The following GATAD2B variants were observed in gnomAD, a reference collection of about 807,000 sequenced individuals.
GATAD2B encodes the protein transcriptional repressor p66-beta.
GATAD2B carries 8 observed loss-of-function variants against 64.3 expected under a neutral mutation model. That is an observed-to-expected ratio of 0.12 (90% CI 0.07 to 0.22). The LOEUF (loss-of-function observed/expected upper bound fraction) is 0.22. Ranked by LOEUF, GATAD2B falls within the 10% of genes least tolerant of loss-of-function variation. The pLI, the probability that GATAD2B is intolerant of heterozygous loss-of-function variation, is 1.00. For synonymous variants in GATAD2B, 281 were observed against 271.3 expected (o/e 1.04, Z -0.35); for missense variants, 453 against 752.0 (o/e 0.60, Z 4.65).
intron 1 of GATAD2B, among the ~76,000 whole-genome samples, chr1:153,850,434 G>C (rs1413532826): frequency 1.3e-5 from 2 of 151,960 alleles, no homozygotes; most frequent in Non-Finnish European, 2.9e-5. Flanking sequence ...TGAGTAGCTG[G>C]GATTACAGGC....
At chr1:153,829,378 T>C (rs1674997526) in intron 1 of GATAD2B, among the ~76,000 whole-genome samples, 4 of 152,172 alleles carry the variant, frequency 2.6e-5, no homozygotes, top group Admixed American at 2.6e-4. Context: ...AGGTCAAATA[T>C]TTAGTAAGTT....
intron 5 of GATAD2B, 147 bp from the exon 6 acceptor site, chr1:153,817,689 G>A (rs1358836501): frequency 1.7e-6 from 1 of 587,132 alleles, no homozygotes; most frequent in Non-Finnish European, 2.8e-6. Context: ...TTCATTTAAT[G>A]GTCTATGGGA....
chr1:153,824,498 G>C (rs1000268683), intron 2 of GATAD2B, among the ~76,000 whole-genome samples: 3 of 151,226 alleles, frequency 2.0e-5, no homozygotes, highest in Admixed American at 6.6e-5. Context: ...TGTAGTCCCA[G>C]CTACTCAGGA....
chr1:153,875,683 GAAAAAA>G (rs11340415), intron 1 of GATAD2B, among the ~76,000 whole-genome samples: 8 of 78,390 alleles, frequency 1.0e-4, no homozygotes, highest in Admixed American at 1.7e-4. Context: ...AGTTTGGAGG[GAAAAAA>G]AAAAAAAAAA....
chr1:153,837,103 C>T (rs560628634), intron 1 of GATAD2B, among the ~76,000 whole-genome samples: 3 of 152,116 alleles, frequency 2.0e-5, no homozygotes, highest in Non-Finnish European at 4.4e-5. Context: ...GTAAAATGGA[C>T]GAACTTTGAA....
intron 1 of GATAD2B, among the ~76,000 whole-genome samples, chr1:153,889,399 C>A (rs757313811): frequency 3.0e-5 from 3 of 99,822 alleles, no homozygotes; most frequent in African/African-American, 1.1e-4. Flanking sequence ...GCAACAAGAG[C>A]GAAACCCCGT....
intron 1 of GATAD2B, among the ~76,000 whole-genome samples, chr1:153,906,712 G>A (rs1159471037): frequency 6.6e-6 from 1 of 152,064 alleles, no homozygotes; most frequent in Non-Finnish European, 1.5e-5. Context: ...CAGAGTGAAA[G>A]GGCAACCCAC....
chr1:153,872,607 G>C (rs542707520), intron 1 of GATAD2B, among the ~76,000 whole-genome samples: 4 of 150,952 alleles, frequency 2.6e-5, no homozygotes, highest in South Asian at 4.2e-4. Context: ...TCATGGTGGA[G>C]TATATAAACT....
rs150972720 is a variant in GATAD2B, at chr1:153,817,390, G to A, written c.882C>T (p.Pro294=). The part of the protein sequence containing the change: ...LVRTTTPNMN[P]AINYQPQSSS... ...CTCTTACCGGTTGATAATTGATGGC[G>A]GGATTCATGTTGGGTGTTGTGGTGC... The change falls in exon 6 of 11, where the codon CCC becomes CCT. Residue 294 remains proline (P), a synonymous_variant. Coordinates refer to ENST00000368655, the MANE Select transcript of GATAD2B (RefSeq NM_020699.4). 42 of 1,574,706 alleles carry A rather than the reference G, an allele frequency of 2.7e-5. No homozygotes were observed. The highest frequency in any genetic ancestry group is 1.2e-4 in the African/African-American group (9 of 73,440).
intron 1 of GATAD2B, among the ~76,000 whole-genome samples, chr1:153,838,726 G>A (rs1487522032): frequency 6.6e-6 from 1 of 152,138 alleles, no homozygotes; most frequent in African/African-American, 2.4e-5. Context: ...CTTAGATTTG[G>A]GGTCAGAGAA....
chr1:153,914,283 C>T (rs1571010738), intron 1 of GATAD2B, among the ~76,000 whole-genome samples: 1 of 132,140 alleles, frequency 7.6e-6, no homozygotes, highest in Non-Finnish European at 1.6e-5. Flanking sequence ...CTTGTGTAAA[C>T]ACATAATGAT....
chr1:153,870,812 G>GA (rs1348319088), intron 1 of GATAD2B, among the ~76,000 whole-genome samples: 1 of 152,098 alleles, frequency 6.6e-6, no homozygotes, highest in Non-Finnish European at 1.5e-5. Context: ...TCCAACATTG[G>GA]AAACACTTCT....
chr1:153,922,299 A>AG (rs1365921773), intron 1 of GATAD2B, among the ~76,000 whole-genome samples: 57 of 132,550 alleles, frequency 4.3e-4, no homozygotes, highest in East Asian at 1.8e-3. Context: ...AAAAAAAAAA[A>AG]GGGGGGGGCG....
intron 1 of GATAD2B, among the ~76,000 whole-genome samples, chr1:153,894,635 G>C (rs894132327): frequency 2.0e-5 from 3 of 152,054 alleles, no homozygotes; most frequent in Middle Eastern, 3.2e-3. Flanking sequence ...GGCCGAGACA[G>C]GCAGATCACG....
chr1:153,921,032 C>G (rs535990270), intron 1 of GATAD2B, among the ~76,000 whole-genome samples: 7 of 152,190 alleles, frequency 4.6e-5, no homozygotes, highest in Non-Finnish European at 1.0e-4. Context: ...TACTGAACTC[C>G]TCCATAGCAC....
intron 1 of GATAD2B, among the ~76,000 whole-genome samples, chr1:153,860,934 C>A (rs1314953289): frequency 6.6e-6 from 1 of 152,142 alleles, no homozygotes; most frequent in Non-Finnish European, 1.5e-5. Flanking sequence ...CGGGGCCCAG[C>A]CCATTTTCTT....
intron 1 of GATAD2B, among the ~76,000 whole-genome samples, chr1:153,842,797 C>A (rs1175629043): frequency 4.0e-5 from 6 of 151,750 alleles, no homozygotes; most frequent in South Asian, 2.1e-4. Context: ...GGATTACAGG[C>A]GCCTGCCACC....
At chr1:153,875,891 T>C (rs1420682453) in intron 1 of GATAD2B, among the ~76,000 whole-genome samples, 1 of 151,852 alleles carries the variant, frequency 6.6e-6, no homozygotes, top group South Asian at 2.1e-4. Flanking sequence ...TATCCTCCTG[T>C]TAGAGAGAAA....
At chr1:153,922,332 G>A (rs747428723) in intron 1 of GATAD2B, among the ~76,000 whole-genome samples, 5 of 150,534 alleles carry the variant, frequency 3.3e-5, no homozygotes, top group African/African-American at 4.9e-5. Flanking sequence ...AAGGAGGGGA[G>A]CATGGCGGGC....
Sources: gnomAD v4.1 joint callset for allele counts (sites outside exome capture counted in the v4.1 genomes callset) on GRCh38, gnomAD v4.1.1 for gene constraint, MANE v1.5 for transcripts, NCBI Gene and HGNC (gene_info 2026-07-23, HGNC 2026-07-21) for gene names.